GAS7: variants seen among roughly 807,000 people sequenced by gnomAD.
The protein encoded by GAS7 is growth arrest-specific protein 7.
A neutral mutation model predicts 71.1 loss-of-function variants in GAS7; 28 were observed. The observed-to-expected ratio is 0.39, with a 90% confidence interval of 0.29 to 0.54. The LOEUF is 0.54. Ranked by LOEUF, GAS7 falls within the 20% of genes least tolerant of loss-of-function variation. The pLI is 0.62. For synonymous variants in GAS7, 258 were observed against 245.8 expected, an observed-to-expected ratio of 1.05 and a Z score of -0.46; for missense variants, 436 against 627.8, an observed-to-expected ratio of 0.69 and a Z score of 3.27.
intron 2 of GAS7, among the ~76,000 whole-genome samples, chr17:9,990,520 C>T (rs1334760295): frequency 1.3e-5 from 2 of 152,148 alleles, no homozygotes. Context: ...AGGAGTGTAT[C>T]AGGAGGTGAG....
intron 5 of GAS7, among the ~76,000 whole-genome samples, chr17:9,950,212 A>G (rs1223222019): frequency 2.6e-5 from 4 of 152,056 alleles, no homozygotes; most frequent in African/African-American, 7.2e-5. Context: ...AACATTATCT[A>G]TGTAAGATTC....
chr17:10,154,913 TACACAC>T (rs57604032), intron 1 of GAS7, among the ~76,000 whole-genome samples: 42,253 of 141,766 alleles, frequency 0.3, 6,313 homozygotes, highest in Admixed American at 0.33. Flanking sequence ...AACCCCAGGC[TACACAC>T]ACACACACAC....
intron 1 of GAS7, among the ~76,000 whole-genome samples, chr17:10,092,872 T>C (rs1046967557): frequency 6.6e-6 from 1 of 152,152 alleles, no homozygotes; most frequent in Non-Finnish European, 1.5e-5. Context: ...TGGCAAAATC[T>C]CCCTCTCTCT....
intron 1 of GAS7, among the ~76,000 whole-genome samples, chr17:10,063,994 C>T (rs1443972848): frequency 4.2e-4 from 64 of 152,314 alleles, no homozygotes; most frequent in Non-Finnish European, 4.4e-5. Flanking sequence ...GCGCTCGTCC[C>T]CACTTCCCTT....
intron 1 of GAS7, among the ~76,000 whole-genome samples, chr17:10,144,338 G>A (rs1162345136): frequency 2.6e-5 from 4 of 152,100 alleles, no homozygotes; most frequent in African/African-American, 4.8e-5. Flanking sequence ...AGGCAGTGTC[G>A]GGCCCGTGAT....
At chr17:9,941,685 C>T (rs1002465274) in intron 7 of GAS7, among the ~76,000 whole-genome samples, 1 of 152,236 alleles carries the variant, frequency 6.6e-6, no homozygotes, top group African/African-American at 2.4e-5. Flanking sequence ...AAACCATAAG[C>T]GTGTTCAAGC....
chr17:9,954,355 GGA>G (rs1267423239), intron 5 of GAS7, among the ~76,000 whole-genome samples: 1 of 152,140 alleles, frequency 6.6e-6, no homozygotes, highest in Non-Finnish European at 1.5e-5. Flanking sequence ...GCACCCTGCA[GGA>G]GAGTAACAAT....
intron 1 of GAS7, among the ~76,000 whole-genome samples, chr17:10,130,814 G>C (rs1414982326): frequency 6.6e-6 from 1 of 152,232 alleles, no homozygotes; most frequent in Non-Finnish European, 1.5e-5. Context: ...AATCTATACA[G>C]ATGGAAATAG....
At chr17:10,177,911 A>T (rs1252568634) in intron 1 of GAS7, among the ~76,000 whole-genome samples, 4 of 152,170 alleles carry the variant, frequency 2.6e-5, no homozygotes, top group South Asian at 2.1e-4. Context: ...AACTACCTCA[A>T]CACGCAATTC....
intron 1 of GAS7, among the ~76,000 whole-genome samples, chr17:10,170,163 T>A (rs1391772006): frequency 6.6e-6 from 1 of 150,548 alleles, no homozygotes; most frequent in Non-Finnish European, 1.5e-5. Context: ...CCCCCCTCCA[T>A]CCCCCCATCA....
intron 1 of GAS7, among the ~76,000 whole-genome samples, chr17:10,171,657 T>C (rs2074335822): frequency 6.6e-6 from 1 of 152,204 alleles, no homozygotes; most frequent in Non-Finnish European, 1.5e-5. Flanking sequence ...GCTTCTTATC[T>C]GCCATAAAAA....
intron 1 of GAS7, among the ~76,000 whole-genome samples, chr17:10,031,350 C>A (rs1376709349): frequency 2.0e-5 from 3 of 152,312 alleles, no homozygotes; most frequent in African/African-American, 7.2e-5. Context: ...CAACGCAGTC[C>A]CTGCAGCAAG....
chr17:10,025,423 C>T (rs1200670568), intron 1 of GAS7, among the ~76,000 whole-genome samples: 2 of 151,942 alleles, frequency 1.3e-5, no homozygotes, highest in Non-Finnish European at 2.9e-5. Flanking sequence ...ATCCTCCTGT[C>T]TCCCAGTCCC....
At chr17:10,176,601 G>C (rs111446565) in intron 1 of GAS7, among the ~76,000 whole-genome samples, 237 of 152,290 alleles carry the variant, frequency 1.6e-3, no homozygotes, top group African/African-American at 5.4e-3. Context: ...TAACTCTGTG[G>C]AAGGGGTGTT....
At chr17:10,055,530 C>T (rs942387408) in intron 1 of GAS7, among the ~76,000 whole-genome samples, 5 of 152,204 alleles carry the variant, frequency 3.3e-5, no homozygotes, top group African/African-American at 1.2e-4. Flanking sequence ...GACGTTGCAT[C>T]CTGATCCCCA....
chr17:10,016,751 A>AAAT (rs4057773), intron 2 of GAS7, among the ~76,000 whole-genome samples: 5,816 of 139,784 alleles, frequency 0.042, 168 homozygotes, highest in East Asian at 0.072. Context: ...TCTCTACAAA[A>AAAT]AATAATAATA....
intron 2 of GAS7, among the ~76,000 whole-genome samples, chr17:9,984,876 T>C (rs1173144381): frequency 6.6e-6 from 1 of 152,170 alleles, no homozygotes; most frequent in Non-Finnish European, 1.5e-5. Flanking sequence ...CAGGAGCAGA[T>C]GCACCATCCA....
chr17:9,918,493 A>G (rs2067675068), intron 12 of GAS7, among the ~76,000 whole-genome samples: 1 of 152,240 alleles, frequency 6.6e-6, no homozygotes, highest in Non-Finnish European at 1.5e-5. Flanking sequence ...GATTTAAACC[A>G]GAGTCCATCA....
intron 2 of GAS7, among the ~76,000 whole-genome samples, chr17:9,992,599 A>G (rs2070886594): frequency 1.3e-5 from 2 of 149,296 alleles, no homozygotes. Flanking sequence ...ATTTTTTTTA[A>G]TTAATTAATT....
Sources: allele counts gnomAD v4.1 joint callset (sites outside exome capture counted in the v4.1 genomes callset), GRCh38; gene constraint gnomAD v4.1.1; transcripts MANE v1.5; gene names NCBI Gene and HGNC (gene_info 2026-07-23, HGNC 2026-07-21).